Variants in LARP4B observed in about 807,000 individuals in gnomAD.
LARP4B encodes La ribonucleoprotein 4B.
Under a neutral mutation model 89.8 loss-of-function variants are expected in LARP4B, and 12 were observed. The observed-to-expected ratio is 0.13, with a 90% CI of 0.09 to 0.22. The LOEUF (loss-of-function observed/expected upper bound fraction) is 0.22. LARP4B is among the 10% of genes least tolerant of loss of function. The probability of loss-of-function intolerance (pLI) is 1.00; values close to 1 mark genes in which losing one functional copy is unlikely to be tolerated. For synonymous variants in LARP4B, 367 were observed against 363.3 expected, an observed-to-expected ratio of 1.01 and a Z score of -0.12; for missense variants, 757 against 947.7, an observed-to-expected ratio of 0.80 and a Z score of 2.64.
At chr10:945,356 CCTGGGTGACAGAG>C in the LARP4B span, among the ~76,000 whole-genome samples, 9 of 149,164 alleles carry the variant, frequency 6.0e-5, no homozygotes, top group African/African-American at 2.0e-4. Flanking sequence ...TGCCCTCCAG[CCTGGGTGACAGAG>C]TGAGACTCTG....
intron 7 of LARP4B, among the ~76,000 whole-genome samples, chr10:842,602 T>C (rs747770439): frequency 6.6e-5 from 10 of 152,238 alleles, no homozygotes; most frequent in Non-Finnish European, 1.3e-4. Flanking sequence ...AACTAAAGTG[T>C]ATTTTACTTT....
intron 11 of LARP4B, among the ~76,000 whole-genome samples, chr10:826,092 A>C (rs1832607110): frequency 6.6e-6 from 1 of 152,220 alleles, no homozygotes; most frequent in Non-Finnish European, 1.5e-5. Context: ...CAATCCAGCG[A>C]GGAGAACTGA....
intron 1 of LARP4B, among the ~76,000 whole-genome samples, chr10:901,962 T>C (rs572700154): frequency 5.9e-5 from 9 of 152,298 alleles, no homozygotes; most frequent in Admixed American, 2.0e-4. Flanking sequence ...CACCAAATAA[T>C]ATACTTTCAA....
intron 7 of LARP4B, among the ~76,000 whole-genome samples, chr10:837,729 C>T (rs1322901727): frequency 6.6e-6 from 1 of 152,174 alleles, no homozygotes; most frequent in African/African-American, 2.4e-5. Context: ...TACCCCACAC[C>T]ATGTACAAAC....
the LARP4B span, among the ~76,000 whole-genome samples, chr10:944,141 T>C: frequency 6.6e-6 from 1 of 152,136 alleles, no homozygotes; most frequent in Non-Finnish European, 1.5e-5. Flanking sequence ...CATAAATTAT[T>C]TACATACTTG....
At position 885,096 on chromosome 10, in the gene LARP4B, A is replaced by G. The variant is rs371254699; in HGVS notation, c.81+545T>C. Among the ~76,000 whole-genome samples, 30 of 152,328 alleles carry G rather than the reference A, an allele frequency of 2.0e-4. No homozygotes were observed. The East Asian group carries it at 4.4e-3, about 23-fold the overall frequency. ...ACAGCAGAATCAGGCCATGGAAACT[A>G]GAAAGAATTCTCCTTGCCCCTTCTC... is the stretch of plus-strand genomic sequence containing the variant. On this transcript the variant is annotated intron_variant, in intron 2 of 17. Transcript: ENST00000316157.
rs141752333 is a variant in LARP4B at position 919,241 on chromosome 10, C to T, written c.-40+12187G>A. 2.4e-3 allele frequency among the ~76,000 whole-genome samples: 372 copies of T among 152,258 alleles called. 2 individuals are homozygous for T. The highest frequency in any genetic ancestry group is 8.6e-3 in the African/African-American group (359 of 41,540). On this transcript the variant is annotated intron_variant, in intron 1 of 17. Coordinates refer to ENST00000316157, the MANE Select transcript of LARP4B (RefSeq NM_015155.3). The stretch of plus-strand genomic sequence containing the variant: ...GTGTGACTTAAGCCCCCAAATACAT[C>T]ATGTTATTTGGATCCAAGGTGCTGC...
chr10:832,371 C>T (rs1159997789), intron 8 of LARP4B, among the ~76,000 whole-genome samples: 1 of 152,140 alleles, frequency 6.6e-6, no homozygotes, highest in East Asian at 1.9e-4. Flanking sequence ...CAAAATCAAA[C>T]TTTACTGGAG....
intron 8 of LARP4B, among the ~76,000 whole-genome samples, chr10:835,855 C>T (rs1272644518): frequency 6.6e-6 from 1 of 151,882 alleles, no homozygotes. Flanking sequence ...ATTGCTTGAG[C>T]CTGGGAGATG....
chr10:854,420 A>G (rs769684360), intron 5 of LARP4B, among the ~76,000 whole-genome samples: 3 of 152,314 alleles, frequency 2.0e-5, no homozygotes, highest in Non-Finnish European at 4.4e-5. Context: ...TAAATAAGAA[A>G]ATTTGAAAAC....
At chr10:943,037 C>T in the LARP4B span, among the ~76,000 whole-genome samples, 1 of 151,352 alleles carries the variant, frequency 6.6e-6, no homozygotes, top group Non-Finnish European at 1.5e-5. Context: ...GCTTCTGCCT[C>T]CTGGGTTCAA....
chr10:932,352 C>CA (rs1363621642), upstream of LARP4B, among the ~76,000 whole-genome samples: 257 of 136,906 alleles, frequency 1.9e-3, no homozygotes, highest in African/African-American at 7.3e-3. Flanking sequence ...CCCCGAACTC[C>CA]CACCCCACAC....
the LARP4B span, among the ~76,000 whole-genome samples, chr10:960,660 A>G: frequency 6.8e-6 from 1 of 146,522 alleles, no homozygotes; most frequent in African/African-American, 2.6e-5. Flanking sequence ...GTGAGCCAAG[A>G]TCATGCCACT....
intron 1 of LARP4B, among the ~76,000 whole-genome samples, chr10:890,081 A>G (rs781756648): frequency 2.0e-5 from 3 of 152,230 alleles, no homozygotes; most frequent in Non-Finnish European, 4.4e-5. Flanking sequence ...TAACCCAGGT[A>G]TCTTTTTAGG....
intron 1 of LARP4B, among the ~76,000 whole-genome samples, chr10:916,605 G>C (rs1011598465): frequency 2.0e-5 from 3 of 152,192 alleles, no homozygotes; most frequent in Admixed American, 6.5e-5. Flanking sequence ...CGTGGCAGGA[G>C]AATCACTTGA....
At chr10:890,163 G>A (rs17221435) in intron 1 of LARP4B, among the ~76,000 whole-genome samples, 13,908 of 152,202 alleles carry the variant, frequency 0.091, 783 homozygotes, top group East Asian at 0.19. Context: ...GTCTTACTAG[G>A]TAGCCATACA....
intron 5 of LARP4B, among the ~76,000 whole-genome samples, chr10:859,237 C>T (rs1834466948): frequency 6.6e-6 from 1 of 150,642 alleles, no homozygotes; most frequent in East Asian, 1.9e-4. Flanking sequence ...TGAGATTGCT[C>T]CAGTGCACTC....
At position 863,815 on chromosome 10, in the gene LARP4B, C is replaced by T. The variant is rs757680889; in HGVS notation, c.358G>A (p.Asp120Asn). The change falls in exon 5 of 18, where the codon GAC (aspartate) becomes AAC (asparagine). Residue 120 changes from aspartate (D) to asparagine (N), a missense_variant. Asp to Asn is a conservative substitution (Grantham distance 23). Transcript: ENST00000316157. ...NAALPDPQES[D>N]PADMNALALG... ...GCGAGAGCGTTCATGTCTGCTGGGT[C>T]CGACTCCTGCGGGTCTGGCAATGCG... 1 of 1,614,160 alleles carries T rather than the reference C, an allele frequency of 6.2e-7. No individual in the cohort carries two copies. Among genetic ancestry groups the T allele is most frequent in the East Asian group, 2.2e-5 (1 of 44,890 alleles).
intron 11 of LARP4B, among the ~76,000 whole-genome samples, chr10:828,914 A>G (rs562382798): frequency 4.6e-5 from 7 of 152,198 alleles, no homozygotes; most frequent in Non-Finnish European, 1.0e-4. Context: ...ATGAATTCCA[A>G]CCATAGGCCT....
Sources: gnomAD v4.1 joint callset for allele counts (sites outside exome capture counted in the v4.1 genomes callset) on GRCh38, gnomAD v4.1.1 for gene constraint, MANE v1.5 for transcripts, NCBI Gene and HGNC (gene_info 2026-07-23, HGNC 2026-07-21) for gene names.